Variants in AVPR1B observed in about 807,000 individuals in gnomAD.
AVPR1B encodes the protein vasopressin V1b receptor.
A neutral mutation model predicts 27.5 loss-of-function variants in AVPR1B; 25 were observed. The ratio of observed to expected loss-of-function variants is 0.91; its 90% CI spans 0.66 to 1.27. AVPR1B has a LOEUF of 1.27. Ranked by LOEUF, AVPR1B falls within the 50% of genes most tolerant of loss-of-function variation. AVPR1B has a pLI of 0.00. For synonymous variants in AVPR1B, 248 were observed against 240.2 expected, an observed-to-expected ratio of 1.03 and a Z score of -0.30; for missense variants, 595 against 556.9, an observed-to-expected ratio of 1.07 and a Z score of -0.69.
chr1:206,111,902 T>A (rs35810949), intron 1 of AVPR1B, among the ~76,000 whole-genome samples: 42 of 152,144 alleles, frequency 2.8e-4, no homozygotes, highest in African/African-American at 1.0e-3. Flanking sequence ...GATGATATGG[T>A]TTGGATGTCG....
chr1:206,113,050 G>T (rs567411988), intron 1 of AVPR1B, among the ~76,000 whole-genome samples: 29 of 152,276 alleles, frequency 1.9e-4, no homozygotes, highest in African/African-American at 6.7e-4. Flanking sequence ...CTGCTCCATC[G>T]ATGTGCATTT....
Position 206,116,549 on chromosome 1 carries a change from C to G in AVPR1B, c.342G>C (p.Gln114His). 3 of 1,614,190 alleles carry G rather than the reference C, an allele frequency of 1.9e-6. No individual in the cohort carries two copies. The highest frequency in any genetic ancestry group is 2.5e-6 in the Non-Finnish European group (3 of 1,180,022). The change falls in exon 1 of 2, where the codon CAG (glutamine) becomes CAC (histidine). Residue 114 changes from glutamine to histidine, a missense_variant. Coordinates refer to ENST00000367126, the MANE Select transcript of AVPR1B (RefSeq NM_000707.5). ...AGGTGGAGGCAAACATGCTGAGCACCTGCAGGTACTTGACGGCCCTGCACA... is the reference window on the plus strand; with the variant it reads ...AGGTGGAGGCAAACATGCTGAGCACGTGCAGGTACTTGACGGCCCTGCACA... ...DLLCRAVKYL[Q>H]VLSMFASTYM... is the part of the protein sequence containing the mutation.
chr1:206,111,180 C>G (rs1364514261), intron 1 of AVPR1B, among the ~76,000 whole-genome samples: 1 of 152,168 alleles, frequency 6.6e-6, no homozygotes, highest in Non-Finnish European at 1.5e-5. Context: ...AAGGGGGCAG[C>G]TTTTACATAC....
chr1:206,116,523 T>C lies in AVPR1B; in HGVS notation c.368A>G (p.Tyr123Cys). ...LQVLSMFASTYMLLAMTLDRY... is the reference protein window; with the variant it reads ...LQVLSMFASTCMLLAMTLDRY... The stretch of plus-strand genomic sequence containing the variant: ...GTCCAGCGTCATGGCCAGCAGCATG[T>C]AGGTGGAGGCAAACATGCTGAGCAC... The change falls in exon 1 of 2, where the codon TAC becomes TGC. Residue 123 changes from tyrosine (Y) to cysteine (C), a missense_variant. Physicochemically the swap from Tyr to Cys is radical, Grantham distance 194. Coordinates refer to ENST00000367126, the MANE Select transcript of AVPR1B (RefSeq NM_000707.5). 2 of 1,614,070 alleles carry C rather than the reference T, an allele frequency of 1.2e-6. No individual in the cohort carries two copies. Among genetic ancestry groups the C allele is most frequent in the South Asian group, 1.1e-5 (1 of 91,080 alleles).
At chr1:206,112,390 C>T (rs1284339632) in intron 1 of AVPR1B, among the ~76,000 whole-genome samples, 3 of 152,180 alleles carry the variant, frequency 2.0e-5, no homozygotes, top group Non-Finnish European at 2.9e-5. Flanking sequence ...TGTCCTTTCT[C>T]ACCATGTGAT....
rs781813621 is a variant in AVPR1B at position 206,110,210 on chromosome 1, G to A, written c.1254C>T (p.Thr418=). The A allele has an allele frequency of 1.7e-5, 28 of 1,611,378 alleles. No individual in the cohort carries two copies. The African/African-American group carries it at 1.9e-4, about 11-fold the overall frequency. Residue 418 remains threonine, a synonymous_variant, in exon 2 of 2, where the codon ACC becomes ACT. Transcript: ENST00000367126. ...RDLELADGEG[T]AETIIF ...TTTCCTAAAAGATGATGGTCTCAGC[G>A]GTGCCTTCCCCATCTGCCAGCTCCA...
In AVPR1B at chr1:206,116,583, G is replaced by C. The variant is rs534179688; in HGVS notation, c.308C>G (p.Pro103Arg). Residue 103 changes from proline (P) to arginine (R), a missense_variant, in exon 1 of 2, where the codon CCC (proline) becomes CGC (arginine). Physicochemically the swap from Pro to Arg is moderately radical, Grantham distance 103. Transcript: ENST00000367126. The part of the protein sequence containing the change: ...LWDITYRFQG[P>R]DLLCRAVKYL... ...CTTGACGGCCCTGCACAGGAGGTCG[G>C]GGCCCTGGAAGCGGTAGGTGATGTC... 90 of 1,614,020 alleles carry C rather than the reference G, an allele frequency of 5.6e-5. No individual in the cohort carries two copies. The South Asian group carries it at 8.8e-4, about 16-fold the overall frequency.
Position 206,109,907 on chromosome 1 carries a change from A to T in AVPR1B, c.*282T>A, listed in dbSNP as rs1254094041. 2.4e-6 allele frequency: 1 copy of T among 420,666 alleles called. No homozygotes were observed. Among genetic ancestry groups the T allele is most frequent in the Non-Finnish European group, 4.3e-6 (1 of 234,498 alleles). The allele number at this position is 420,666 out of a possible 1,614,324, so 26.1% of individuals were successfully genotyped here. On this transcript the variant is annotated 3_prime_UTR_variant, in exon 2 of 2. Coordinates refer to ENST00000367126, the MANE Select transcript of AVPR1B (RefSeq NM_000707.5). ...TAGGCCTGCCTAGATCTGGGACACC[A>T]TGTGTGCATGGACACCCTATGAATA...
chr1:206,114,239 G>C (rs1190030827), intron 1 of AVPR1B, among the ~76,000 whole-genome samples: 2 of 152,146 alleles, frequency 1.3e-5, no homozygotes, highest in Admixed American at 1.3e-4. Context: ...GGAATTGGTG[G>C]CCTGAGACTG....
In AVPR1B at chr1:206,107,110, C is replaced by T. The variant is rs1402583828; in HGVS notation, c.*3079G>A. Among the ~76,000 whole-genome samples, 2 of 152,206 alleles carry T rather than the reference C, an allele frequency of 1.3e-5. No homozygotes were observed. Among genetic ancestry groups the T allele is most frequent in the African/African-American group, 2.4e-5 (1 of 41,438 alleles). ...TACTGGCCTGTGCCAAACAACATAA[C>T]GATTCTGAGAAATCCCCGTAGTCAA... On this transcript the variant is annotated 3_prime_UTR_variant, in exon 2 of 2. Coordinates refer to ENST00000367126, the MANE Select transcript of AVPR1B (RefSeq NM_000707.5).
Position 206,117,052 on chromosome 1 carries a change from G to T in AVPR1B, c.-162C>A. ...TAGGCGGAAATCGTTCAGAGGACTGGGATAGAGAGGAGGAGGGAGGATGAG... is the reference window on the plus strand; with the variant it reads ...TAGGCGGAAATCGTTCAGAGGACTGTGATAGAGAGGAGGAGGGAGGATGAG... On this transcript the variant is annotated 5_prime_UTR_variant, in exon 1 of 2. Transcript: ENST00000367126. The T allele has an allele frequency of 1.4e-6, 1 of 718,572 alleles. No homozygotes were observed. The highest frequency in any genetic ancestry group is 2.4e-6 in the Non-Finnish European group (1 of 413,004). The allele number at this position is 718,572 out of a possible 1,614,324, so 44.5% of individuals were successfully genotyped here.
chr1:206,116,735 G>A lies in AVPR1B; in HGVS notation c.156C>T (p.Asn52=). Residue 52 remains asparagine, a synonymous_variant, in exon 1 of 2, where the codon AAC becomes AAT. Coordinates refer to ENST00000367126, the MANE Select transcript of AVPR1B (RefSeq NM_000707.5). ...GGCCCAGGGTCAGCAGCACAGCCAG[G>A]TTGCCCCCGGTCGCCAGCACCAGGA... ...ATVLVLATGG[N]LAVLLTLGQL... The A allele has an allele frequency of 6.2e-7, 1 of 1,610,930 alleles. No homozygotes were observed. The highest frequency in any genetic ancestry group is 8.5e-7 in the Non-Finnish European group (1 of 1,178,444).
intron 1 of AVPR1B, among the ~76,000 whole-genome samples, chr1:206,115,267 A>G (rs145641178): frequency 6.6e-6 from 1 of 152,064 alleles, no homozygotes; most frequent in African/African-American, 2.4e-5. Context: ...GGCCCAAAGT[A>G]CACCAAACTG....
At chr1:206,115,824 A>G (rs1232875447) in intron 1 of AVPR1B, 127 bp downstream of exon 1, 2 of 877,920 alleles carry the variant, frequency 2.3e-6, no homozygotes, top group Non-Finnish European at 3.3e-6. Context: ...AGCAGGCACC[A>G]TCTTCCTTCA....
At chr1:206,115,881 C>A in intron 1 of AVPR1B, 70 bp downstream of exon 1, 3 of 1,487,884 alleles carry the variant, frequency 2.0e-6, no homozygotes, top group Non-Finnish European at 1.8e-6. Flanking sequence ...GGCATTGTAA[C>A]CCTGACCTAA....
intron 1 of AVPR1B, among the ~76,000 whole-genome samples, chr1:206,114,546 A>G (rs533701786): frequency 1.3e-5 from 2 of 152,260 alleles, no homozygotes; most frequent in Admixed American, 1.3e-4. Context: ...CGGCCAGACC[A>G]TCAGGCACTG....
At position 206,116,407 on chromosome 1, in the gene AVPR1B, C is replaced by T. The variant is rs782448401; in HGVS notation, c.484G>A (p.Ala162Thr). 1.9e-6 allele frequency: 3 copies of T among 1,613,918 alleles called. No homozygotes were observed. The highest frequency in any genetic ancestry group is 2.5e-6 in the Non-Finnish European group (3 of 1,180,050). ...LLIAAPWLLA[A>T]IFSLPQVFIF... ...AAGACTTGAGGGAGGCTGAAGATGG[C>T]GGCCAGCAGCCAGGGAGCAGCGATG... Residue 162 changes from alanine (A) to threonine (T), a missense_variant, in exon 1 of 2, where the codon GCC (alanine) becomes ACC (threonine). Physicochemically the swap from Ala to Thr is moderately conservative, Grantham distance 58. Transcript: ENST00000367126.
In AVPR1B at chr1:206,116,843, G is replaced by T. The variant is rs782275775; in HGVS notation, c.48C>A (p.Thr16=). The part of the protein sequence containing the change: ...LWDANPTPRG[T]LSAPNATTPW... ...GTGTTGTGGCATTGGGGGCAGAGAGGGTGCCCCGAGGGGTGGGGTTGGCAT... is the reference window on the plus strand; with the variant it reads ...GTGTTGTGGCATTGGGGGCAGAGAGTGTGCCCCGAGGGGTGGGGTTGGCAT... The change falls in exon 1 of 2, where the codon ACC becomes ACA. Residue 16 remains threonine, a synonymous_variant. Transcript: ENST00000367126. 1 of 1,613,932 alleles carries T rather than the reference G, an allele frequency of 6.2e-7. No individual in the cohort carries two copies.
Position 206,116,469 on chromosome 1 carries a change from C to A in AVPR1B, c.422G>T (p.Arg141Leu). ...DRYLAVCHPL[R>L]SLQQPGQSTY... is the part of the protein sequence containing the mutation. ...GGACTGGCCTGGCTGCTGGAGGCTG[C>A]GCAGGGGGTGACAGACAGCCAGGTA... Residue 141 changes from arginine (R) to leucine (L), a missense_variant, in exon 1 of 2, where the codon CGC becomes CTC. Physicochemically the swap from Arg to Leu is moderately radical, Grantham distance 102 (BLOSUM62 -2). Coordinates refer to ENST00000367126, the MANE Select transcript of AVPR1B (RefSeq NM_000707.5). 2 of 1,613,772 alleles carry A rather than the reference C, an allele frequency of 1.2e-6. No homozygotes were observed.
Sources: gnomAD v4.1 joint callset for allele counts (sites outside exome capture counted in the v4.1 genomes callset) on GRCh38, gnomAD v4.1.1 for gene constraint, MANE v1.5 for transcripts, NCBI Gene and HGNC (gene_info 2026-07-23, HGNC 2026-07-21) for gene names.